Variants in GPR158 observed in about 807,000 individuals in gnomAD.
GPR158 encodes the protein G protein-coupled receptor 158.
Under a neutral mutation model 78.2 loss-of-function variants are expected in GPR158, and 30 were observed. The observed-to-expected ratio is 0.38, with a 90% CI of 0.29 to 0.52. GPR158 has a LOEUF of 0.52. GPR158 is among the 20% of genes least tolerant of loss of function. The pLI, the probability that GPR158 is intolerant of heterozygous loss-of-function variation, is 0.83. For synonymous variants in GPR158, 581 were observed against 591.1 expected, an observed-to-expected ratio of 0.98 and a Z score of 0.25; for missense variants, 1,463 against 1,523.5, an observed-to-expected ratio of 0.96 and a Z score of 0.66.
intron 1 of GPR158, among the ~76,000 whole-genome samples, chr10:25,194,681 G>T (rs1413674351): frequency 6.6e-6 from 1 of 152,094 alleles, no homozygotes; most frequent in Non-Finnish European, 1.5e-5. Flanking sequence ...TCGAAAACTG[G>T]CAGTATGAGT....
Position 25,348,436 on chromosome 10 carries a change from C to CACAT in GPR158, c.1009-47475_1009-47474insACAT, listed in dbSNP as rs3220916. Among the ~76,000 whole-genome samples, 455 of 144,486 alleles carry CACAT rather than the reference C, an allele frequency of 3.1e-3. 1 individual carries two copies. The highest frequency in any genetic ancestry group is 4.2e-3 in the Non-Finnish European group (280 of 66,132). The allele number at this position is 144,486 out of a possible 152,430, so 94.8% of individuals were successfully genotyped here. A position where few individuals can be genotyped will look rare whatever the true frequency, so the allele number is the denominator to read the frequency against. On this transcript the variant is annotated intron_variant, in intron 2 of 10. Coordinates refer to ENST00000376351, the MANE Select transcript of GPR158 (RefSeq NM_020752.3). ...ACACACACACACACACACACACACACGGAAAAACCCACAAATTTATATCCC... is the reference window on the plus strand; with the variant it reads ...ACACACACACACACACACACACACACACATGGAAAAACCCACAAATTTATATCCC...
chr10:25,583,734 C>G (rs1448795431), intron 7 of GPR158, among the ~76,000 whole-genome samples: 1 of 151,964 alleles, frequency 6.6e-6, no homozygotes, highest in African/African-American at 2.4e-5. Context: ...TTAAAAGAGA[C>G]ACTTGAGAAA....
chr10:25,189,834 ATGTG>A (rs56205437), intron 1 of GPR158, among the ~76,000 whole-genome samples: 3,963 of 120,478 alleles, frequency 0.033, 107 homozygotes, highest in East Asian at 0.091. Context: ...AAAGGAAAGC[ATGTG>A]TGTGTGTGTG....
intron 2 of GPR158, among the ~76,000 whole-genome samples, chr10:25,354,147 A>G (rs1564430512): frequency 6.6e-6 from 1 of 152,030 alleles, no homozygotes; most frequent in Non-Finnish European, 1.5e-5. Flanking sequence ...TAAGGTCAGG[A>G]GTTCAACACC....
intron 5 of GPR158, among the ~76,000 whole-genome samples, chr10:25,467,107 C>T (rs1172355972): frequency 2.0e-5 from 3 of 152,030 alleles, no homozygotes; most frequent in African/African-American, 2.4e-5. Context: ...TCGAGCAATA[C>T]GTTGGTTTGG....
chr10:25,510,511 G>C (rs78615104), intron 5 of GPR158, among the ~76,000 whole-genome samples: 5,203 of 152,112 alleles, frequency 0.034, 307 homozygotes, highest in African/African-American at 0.12. Flanking sequence ...GATGAATTGT[G>C]GAGAATTCAT....
chr10:25,541,940 A>ATATAATTATATAAATTATATAT (rs1836592585), intron 5 of GPR158, among the ~76,000 whole-genome samples: 1 of 147,410 alleles, frequency 6.8e-6, no homozygotes, highest in South Asian at 2.1e-4. Flanking sequence ...ATTATATTTT[A>ATATAATTATATAAATTATATAT]TATAATTATA....
rs1357524351 is a variant in GPR158 at position 25,431,332 on chromosome 10, T to A, written c.1335+18859T>A. On this transcript the variant is annotated intron_variant, in intron 4 of 10. Transcript: ENST00000376351. ...AGATACCATCTCACACCAGTTAGAA[T>A]GGCAGTCATTAAAAAGTCAGGAAAC... 3.1e-4 allele frequency among the ~76,000 whole-genome samples: 46 copies of A among 148,462 alleles called. No individual in the cohort carries two copies. The East Asian group carries it at 8.2e-3, about 26-fold the overall frequency.
chr10:25,497,651 A>G (rs1204540105), intron 5 of GPR158, among the ~76,000 whole-genome samples: 2 of 152,120 alleles, frequency 1.3e-5, no homozygotes, highest in African/African-American at 4.8e-5. Flanking sequence ...TCCATTCATG[A>G]GCTATTAAGC....
At chr10:25,383,433 C>T (rs1363188734) in intron 2 of GPR158, among the ~76,000 whole-genome samples, 1 of 152,124 alleles carries the variant, frequency 6.6e-6, no homozygotes, top group Non-Finnish European at 1.5e-5. Flanking sequence ...ACCAGACTGC[C>T]ATAGAAACAC....
intron 4 of GPR158, among the ~76,000 whole-genome samples, chr10:25,424,737 A>G (rs542691456): frequency 1.2e-3 from 179 of 151,604 alleles, no homozygotes; most frequent in Non-Finnish European, 7.1e-4. Context: ...TGTTCCATTG[A>G]TCTATATCTC....
At position 25,537,876 on chromosome 10, in the gene GPR158, T is replaced by C. The variant is rs188532064; in HGVS notation, c.1405-13100T>C. Among the ~76,000 whole-genome samples, 167 of 152,238 alleles carry C rather than the reference T, an allele frequency of 1.1e-3. 2 individuals are homozygous for C. Among genetic ancestry groups the C allele is most frequent in the African/African-American group, 3.8e-3 (156 of 41,550 alleles). On this transcript the variant is annotated intron_variant, in intron 5 of 10. Transcript: ENST00000376351. ...GTGCCTGCTTCCCCTTCACCTTCTA[T>C]GGTGATTGTAAGTTTCCTGAAGCCT... is the stretch of plus-strand genomic sequence containing the variant.
chr10:25,378,284 T>G lies in GPR158; in HGVS notation c.1009-17627T>G, dbSNP rs139020092. 6.3e-3 allele frequency among the ~76,000 whole-genome samples: 952 copies of G among 152,302 alleles called. 16 individuals are homozygous for G. Among genetic ancestry groups the G allele is most frequent in the African/African-American group, 0.022 (919 of 41,586 alleles). On this transcript the variant is annotated intron_variant, in intron 2 of 10. Transcript: ENST00000376351. ...TCTGATTTCTAAGAGCATCTATTAATTGTGCTTGTTTTGTCCTTTGTATAA... is the reference window on the plus strand; with the variant it reads ...TCTGATTTCTAAGAGCATCTATTAAGTGTGCTTGTTTTGTCCTTTGTATAA...
chr10:25,391,533 G>C (rs1003924994), intron 2 of GPR158, among the ~76,000 whole-genome samples: 1 of 152,202 alleles, frequency 6.6e-6, no homozygotes, highest in Non-Finnish European at 1.5e-5. Flanking sequence ...CTGGATTTTA[G>C]ACTTTCATGA....
intron 1 of GPR158, among the ~76,000 whole-genome samples, chr10:25,202,044 T>G (rs1436201148): frequency 6.6e-6 from 1 of 152,134 alleles, no homozygotes; most frequent in Non-Finnish European, 1.5e-5. Context: ...TCAGTAGGAA[T>G]GGTATTATAT....
At chr10:25,249,845 T>G (rs879280316) in intron 2 of GPR158, among the ~76,000 whole-genome samples, 128 of 148,974 alleles carry the variant, frequency 8.6e-4, no homozygotes, top group Non-Finnish European at 1.5e-3. Flanking sequence ...TTAGGGAGGA[T>G]TCCCTCTTTT....
chr10:25,443,718 C>G (rs1835100283), intron 4 of GPR158, among the ~76,000 whole-genome samples: 1 of 149,346 alleles, frequency 6.7e-6, no homozygotes, highest in Non-Finnish European at 1.5e-5. Context: ...CTCTTCTTTT[C>G]TTTGGTACTC....
chr10:25,314,415 G>A (rs564500291), intron 2 of GPR158, among the ~76,000 whole-genome samples: 2 of 152,148 alleles, frequency 1.3e-5, no homozygotes, highest in Admixed American at 1.3e-4. Flanking sequence ...CAAATTTATT[G>A]ACATAAAGAT....
intron 2 of GPR158, among the ~76,000 whole-genome samples, chr10:25,257,213 C>G (rs534055840): frequency 6.6e-6 from 1 of 152,268 alleles, no homozygotes; most frequent in South Asian, 2.1e-4. Flanking sequence ...CCCTTTTTAT[C>G]AAGAGCCCAC....
Sources: gnomAD v4.1 joint callset for allele counts (sites outside exome capture counted in the v4.1 genomes callset) on GRCh38, gnomAD v4.1.1 for gene constraint, MANE v1.5 for transcripts, NCBI Gene and HGNC (gene_info 2026-07-23, HGNC 2026-07-21) for gene names.